CROCC: variants seen among roughly 807,000 people sequenced by gnomAD.
CROCC encodes the protein ciliary rootlet coiled-coil, rootletin.
Under a neutral mutation model 245.2 loss-of-function variants are expected in CROCC, and 180 were observed. The observed-to-expected ratio is 0.73, with a 90% CI of 0.65 to 0.83. The LOEUF is 0.83. Ranked by LOEUF, CROCC falls within the 40% of genes least tolerant of loss-of-function variation. The pLI, the probability that CROCC is intolerant of heterozygous loss-of-function variation, is 0.00. For synonymous variants in CROCC, 1,205 were observed against 1,241.6 expected (o/e 0.97, Z 0.62); for missense variants, 2,688 against 2,779.4 (o/e 0.97, Z 0.74).
In CROCC at chr1:16,970,867, C is replaced by A. The variant is rs1275401182; in HGVS notation, c.5784+100C>A. On this transcript the variant is annotated intron_variant, in intron 35 of 36. Transcript: ENST00000375541. ...GCCCAGCCAGCCCAGGGCCCATAAC[C>A]CCCTCCCCCAGGAGCCCTGAGCCTT... 2.2e-6 allele frequency: 3 copies of A among 1,368,932 alleles called. No homozygotes were observed. In the East Asian group the frequency reaches 7.9e-5, roughly 36 times the overall value. 84.8% of individuals were successfully genotyped at this position (1,368,932 alleles called of 1,614,324 possible).
chr1:16,924,427 G>T lies in CROCC; in HGVS notation c.299G>T (p.Ser100Ile). 6.2e-7 allele frequency: 1 copy of T among 1,613,324 alleles called. No individual in the cohort carries two copies. The highest frequency in any genetic ancestry group is 2.2e-5 in the East Asian group (1 of 44,892). ...CGCGTGGAGGACCTGCTGGCCCAGA[G>T]CCGTGCCGAGCGCGATGAGCTCGCC... ...LSRVEDLLAQ[S>I]RAERDELAIK... The change falls in exon 3 of 37, where the codon AGC becomes ATC. Residue 100 changes from serine to isoleucine, a missense_variant. Ser to Ile is a moderately radical substitution (Grantham distance 142). Transcript: ENST00000375541.
chr1:16,948,187 A>T, intron 17 of CROCC, 144 bp from the exon 18 acceptor site: 6 of 1,392,360 alleles, frequency 4.3e-6, no homozygotes, highest in Non-Finnish European at 5.6e-6. Context: ...TGACTTGCCC[A>T]AGTACATGTA....
Position 16,971,459 on chromosome 1 carries a change from C to G in CROCC, c.5785-6C>G. 1 of 1,532,422 alleles carries G rather than the reference C, an allele frequency of 6.5e-7. No homozygotes were observed. The highest frequency in any genetic ancestry group is 1.4e-5 in the African/African-American group (1 of 73,002). 94.9% of individuals were successfully genotyped at this position (1,532,422 alleles called of 1,614,324 possible). ...CCAGAACGCGGACCACAGCCCCTCCCTGCAGGCGCAGGTGGTGGTGCTGGA... is the reference window on the plus strand; with the variant it reads ...CCAGAACGCGGACCACAGCCCCTCCGTGCAGGCGCAGGTGGTGGTGCTGGA... On this transcript the variant is annotated splice_region_variant and splice_polypyrimidine_tract_variant and intron_variant, in intron 35 of 36. Coordinates refer to ENST00000375541, the MANE Select transcript of CROCC (RefSeq NM_014675.5).
In CROCC at chr1:16,944,092, T is replaced by G; in HGVS notation, c.1809-8T>G. 1.9e-6 allele frequency: 3 copies of G among 1,542,206 alleles called. No homozygotes were observed. The highest frequency in any genetic ancestry group is 2.6e-6 in the Non-Finnish European group (3 of 1,141,156). On this transcript the variant is annotated splice_polypyrimidine_tract_variant and splice_region_variant and intron_variant, in intron 13 of 36. Transcript: ENST00000375541. The stretch of plus-strand genomic sequence containing the variant: ...ATCCCCTCTGCTCCCCCTCCCCTTG[T>G]CCTGAAGGGAGAAGAGCAACCTGGC...
intron 3 of CROCC, among the ~76,000 whole-genome samples, chr1:16,926,456 C>T (rs1286912900): frequency 4.6e-5 from 7 of 152,254 alleles, no homozygotes; most frequent in Non-Finnish European, 1.5e-5. Context: ...CAGTGCCTGC[C>T]CCTGTGGCCC....
At chr1:16,932,125 C>T (rs2075691237) in intron 8 of CROCC, among the ~76,000 whole-genome samples, 1 of 152,254 alleles carries the variant, frequency 6.6e-6, no homozygotes, top group Admixed American at 6.5e-5. Context: ...ACCTCACAGC[C>T]TCTTGTGATG....
At chr1:16,920,365 G>A (rs1223109403), upstream of CROCC, among the ~76,000 whole-genome samples, 3 of 152,170 alleles carry the variant, frequency 2.0e-5, no homozygotes, top group African/African-American at 4.8e-5. Flanking sequence ...GCCAATTCTT[G>A]TATTTTTAGT....
At chr1:16,964,102 ACTTTTTTCTTTTTCTTTTCTTTT>A in intron 27 of CROCC, among the ~76,000 whole-genome samples, 1 of 144,774 alleles carries the variant, frequency 6.9e-6, no homozygotes, top group Non-Finnish European at 1.5e-5. Flanking sequence ...TGCCGGGCCC[ACTTTTTTCTTTTTCTTTTCTTTT>A]CTTTTTTCTT....
chr1:16,915,344 G>A (rs2075290673), intron 1 of CROCC, among the ~76,000 whole-genome samples: 1 of 152,292 alleles, frequency 6.6e-6, no homozygotes, highest in African/African-American at 2.4e-5. Context: ...AGCTCTTCAT[G>A]GAGCTTTGGC....
At chr1:16,945,093 C>T (rs541703323) in intron 14 of CROCC, among the ~76,000 whole-genome samples, 85 of 152,352 alleles carry the variant, frequency 5.6e-4, no homozygotes, top group East Asian at 1.2e-3. Flanking sequence ...ATTAGTCAGG[C>T]GTGGTGGTGA....
chr1:16,964,376 T>C (rs1209603204), intron 27 of CROCC, among the ~76,000 whole-genome samples: 1 of 151,678 alleles, frequency 6.6e-6, no homozygotes, highest in Non-Finnish European at 1.5e-5. Context: ...TCTTTTCTTT[T>C]CTTTCCTCTT....
chr1:16,969,612 TCCC>T (rs1421935317), intron 32 of CROCC, among the ~76,000 whole-genome samples, 170 bp from the exon 33 acceptor site: 1 of 152,096 alleles, frequency 6.6e-6, no homozygotes, highest in Non-Finnish European at 1.5e-5. Context: ...TCTGAGTGGG[TCCC>T]ACCTTATGCA....
chr1:16,916,899 CTT>C (rs2075311521), intron 1 of CROCC, among the ~76,000 whole-genome samples: 1 of 152,274 alleles, frequency 6.6e-6, no homozygotes, highest in Non-Finnish European at 1.5e-5. Flanking sequence ...GGGTAGATCA[CTT>C]GAGGTCAGGA....
chr1:16,919,965 C>T (rs1285429280), upstream of CROCC, among the ~76,000 whole-genome samples: 1 of 152,276 alleles, frequency 6.6e-6, no homozygotes, highest in African/African-American at 2.4e-5. Context: ...AATCTCGGCT[C>T]ACTGCAACCT....
At chr1:16,931,635 T>C (rs1275129473) in intron 8 of CROCC, among the ~76,000 whole-genome samples, 1 of 152,284 alleles carries the variant, frequency 6.6e-6, no homozygotes, top group African/African-American at 2.4e-5. Context: ...ATAGCTTCCC[T>C]GTGAGGTAGG....
chr1:16,947,117 C>G, intron 17 of CROCC, 126 bp downstream of exon 17: 1 of 907,132 alleles, frequency 1.1e-6, no homozygotes, highest in Admixed American at 2.7e-5. Flanking sequence ...AAATCCAGCC[C>G]CACTTCTGCT....
intron 26 of CROCC, among the ~76,000 whole-genome samples, chr1:16,959,199 T>C (rs2076292973): frequency 6.6e-6 from 1 of 152,114 alleles, no homozygotes; most frequent in African/African-American, 2.4e-5. Context: ...ATTTTTTGTA[T>C]TTTTAGTAGA....
At position 16,938,902 on chromosome 1, in the gene CROCC, C is replaced by A; in HGVS notation, c.1375-7C>A. ...AGCCTCCTTCTGCCTCCCTCCCCCA[C>A]CCTCAGGCCGTCTTGTCAGACTCTG... On this transcript the variant is annotated splice_region_variant and splice_polypyrimidine_tract_variant and intron_variant, in intron 11 of 36. Coordinates refer to ENST00000375541, the MANE Select transcript of CROCC (RefSeq NM_014675.5). 1 of 1,604,710 alleles carries A rather than the reference C, an allele frequency of 6.2e-7. No individual in the cohort carries two copies. Among genetic ancestry groups the A allele is most frequent in the Non-Finnish European group, 8.5e-7 (1 of 1,177,262 alleles).
chr1:16,930,290 C>T lies in CROCC; in HGVS notation c.626C>T (p.Thr209Ile). 6.2e-7 allele frequency: 1 copy of T among 1,604,394 alleles called. No individual in the cohort carries two copies. Among genetic ancestry groups the T allele is most frequent in the South Asian group, 1.1e-5 (1 of 89,710 alleles). The change falls in exon 6 of 37, where the codon ACA becomes ATA. Residue 209 changes from threonine to isoleucine, a missense_variant. By Grantham distance (89) the Thr-to-Ile change is moderately conservative (BLOSUM62 -1). This residue lies in a region of CROCC where 972 missense variants were observed against 895.3 expected (regional missense o/e 1.09). Transcript: ENST00000375541. ...TTTAACCTCTCTCCCACCCAGGACA[C>T]AGAGCACAGCCAAGACCTGGAAAGC... is the stretch of plus-strand genomic sequence containing the variant. ...GELEQQRLRD[T>I]EHSQDLESAL...
Sources: gnomAD v4.1 joint callset for allele counts (sites outside exome capture counted in the v4.1 genomes callset) on GRCh38, gnomAD v4.1.1 for gene constraint, gnomAD v4.1.1 regional missense constraint, MANE v1.5 for transcripts, NCBI Gene and HGNC (gene_info 2026-07-23, HGNC 2026-07-21) for gene names.